The following XXYLT1 variants were observed in gnomAD, a reference collection of about 807,000 sequenced individuals.
The protein encoded by XXYLT1 is xyloside xylosyltransferase 1, also known as UDP-xylose:alpha-xyloside alpha-1,3-xylosyltransferase.
In XXYLT1, 20 loss-of-function variants were observed where a neutral mutation model predicts 28.9. The observed-to-expected ratio is 0.69, with a 90% CI of 0.49 to 1.00. The LOEUF is 1.00. XXYLT1 is among the 50% of genes least tolerant of loss of function. XXYLT1 has a pLI of 0.00. For missense variants in XXYLT1, 542 were observed against 560.1 expected (o/e 0.97, Z 0.33); for synonymous variants, 257 against 253.8 (o/e 1.01, Z -0.12).
In XXYLT1 at chr3:195,079,617, G is replaced by A. The variant is rs148804683; in HGVS notation, c.786-9506C>T. Among the ~76,000 whole-genome samples, 326 of 152,262 alleles carry A rather than the reference G, an allele frequency of 2.1e-3. 2 individuals carry two copies. The highest frequency in any genetic ancestry group is 7.3e-3 in the African/African-American group (305 of 41,562). ...AAGCTGAGGCAGAGAGCTCTAAAAC[G>A]CTTGCCCGAGGTCAGCAAGGGGAGA... On this transcript the variant is annotated intron_variant, in intron 3 of 3. Coordinates refer to ENST00000310380, the MANE Select transcript of XXYLT1 (RefSeq NM_152531.5).
At chr3:195,217,147 T>C (rs1723614639) in intron 2 of XXYLT1, among the ~76,000 whole-genome samples, 1 of 116,500 alleles carries the variant, frequency 8.6e-6, no homozygotes. Flanking sequence ...AAATTAGGTA[T>C]TGATGGGATG....
At position 195,150,870 on chromosome 3, in the gene XXYLT1, T is replaced by TACTCC. The variant is rs1560121925; in HGVS notation, c.785+5578_785+5579insGGAGT. Among the ~76,000 whole-genome samples the TACTCC allele has an allele frequency of 3.0e-4, 26 of 86,936 alleles. No individual in the cohort carries two copies. Among genetic ancestry groups the TACTCC allele is most frequent in the African/African-American group, 1.5e-3 (26 of 17,702 alleles). The allele number at this position is 86,936 out of a possible 152,430, so 57.0% of individuals were successfully genotyped here. Reference sequence around the variant, plus strand: ...CACACACTCTCACACACACACACACTCTCTCCCTCTCCCTCTCCCTCTCTC... The same window carrying TACTCC: ...CACACACTCTCACACACACACACACTACTCCCTCTCCCTCTCCCTCTCCCTCTCTC... On this transcript the variant is annotated intron_variant, in intron 3 of 3. Coordinates refer to ENST00000310380, the MANE Select transcript of XXYLT1 (RefSeq NM_152531.5). This position sits in a 1 kb window ranked among gnomAD's most constrained non-coding sequence, Gnocchi z 4.7.
intron 1 of XXYLT1, among the ~76,000 whole-genome samples, chr3:195,246,737 C>T (rs1367666236): frequency 6.6e-6 from 1 of 152,212 alleles, no homozygotes; most frequent in Admixed American, 6.5e-5. Flanking sequence ...CATGACCAGC[C>T]AACAGTGATG....
chr3:195,270,975 C>A lies in XXYLT1; in HGVS notation c.84G>T (p.Leu28=), dbSNP rs1256266778. Reference sequence around the variant, plus strand: ...CGCAGACGGCCAGCGCCGCGGCCAGCAGCAGGGCGCAGTAGTGGGAGCGCA... The same window carrying A: ...CGCAGACGGCCAGCGCCGCGGCCAGAAGCAGGGCGCAGTAGTGGGAGCGCA... ...GAVRSHYCAL[L]LAAALAVCAF... The change falls in exon 1 of 4, where the codon CTG becomes CTT. Residue 28 remains leucine, a synonymous_variant. Coordinates refer to ENST00000310380, the MANE Select transcript of XXYLT1 (RefSeq NM_152531.5). The A allele has an allele frequency of 2.0e-6, 3 of 1,486,222 alleles. No homozygotes were observed. The highest frequency in any genetic ancestry group is 2.5e-5 in the South Asian group (2 of 78,508). 92.1% of individuals were successfully genotyped at this position (1,486,222 alleles called of 1,614,324 possible).
In XXYLT1 at chr3:195,240,194, C is replaced by T. The variant is rs1724716718; in HGVS notation, c.505-13338G>A. Among the ~76,000 whole-genome samples the T allele has an allele frequency of 6.6e-6, 1 of 152,214 alleles. No homozygotes were observed. Among genetic ancestry groups the T allele is most frequent in the African/African-American group, 2.4e-5 (1 of 41,450 alleles). ...TATAAAAGACCTTGGAAAGGCTCAA[C>T]TCTTTCGAAAGGGACAGTGTAGGGA... On this transcript the variant is annotated intron_variant, in intron 1 of 3. Coordinates refer to ENST00000310380, the MANE Select transcript of XXYLT1 (RefSeq NM_152531.5). The surrounding 1 kb of genome is among the most constrained non-coding windows in gnomAD (Gnocchi z 4.7).
At chr3:195,148,925 AG>A (rs1261673214) in intron 3 of XXYLT1, among the ~76,000 whole-genome samples, 1 of 152,106 alleles carries the variant, frequency 6.6e-6, no homozygotes, top group African/African-American at 2.4e-5. Context: ...CAAAATAATC[AG>A]GGGAAGAGGA....
intron 3 of XXYLT1, among the ~76,000 whole-genome samples, chr3:195,143,142 A>G (rs1719579609): frequency 1.3e-5 from 2 of 152,232 alleles, no homozygotes; most frequent in South Asian, 4.1e-4. Flanking sequence ...GGAATTTTCA[A>G]TTACCAATAA....
In XXYLT1 at chr3:195,270,787, C is replaced by T; in HGVS notation, c.272G>A (p.Gly91Asp). 1 of 1,567,324 alleles carries T rather than the reference C, an allele frequency of 6.4e-7. No homozygotes were observed. The highest frequency in any genetic ancestry group is 8.6e-7 in the Non-Finnish European group (1 of 1,162,230). The change falls in exon 1 of 4, where the codon GGC becomes GAC. Residue 91 changes from glycine (G) to aspartate (D), a missense_variant. Gly to Asp is a moderately conservative substitution (Grantham distance 94). Transcript: ENST00000310380. ...APGAKAKSLE[G>D]GGAGPVDYHL... ...GTAGTCCACCGGCCCGGCACCGCCG[C>T]CCTCCAAGCTCTTGGCCTTCGCGCC...
chr3:195,130,973 A>C (rs1283945476), intron 3 of XXYLT1, among the ~76,000 whole-genome samples: 5 of 152,156 alleles, frequency 3.3e-5, no homozygotes, highest in African/African-American at 1.2e-4. Flanking sequence ...TTAGCCTGAG[A>C]CCTGCAAACA....
intron 3 of XXYLT1, among the ~76,000 whole-genome samples, chr3:195,103,667 T>G (rs1156616545): frequency 2.0e-5 from 3 of 152,184 alleles, no homozygotes; most frequent in Non-Finnish European, 2.9e-5. Context: ...TGCTGTTCTG[T>G]GAGACCTTTA....
chr3:195,119,013 C>G (rs1718194153), intron 3 of XXYLT1, among the ~76,000 whole-genome samples: 1 of 152,058 alleles, frequency 6.6e-6, no homozygotes, highest in Non-Finnish European at 1.5e-5. Context: ...CGCGGTGGCT[C>G]ATGCCTGTAA....
rs370228977 is a variant in XXYLT1 at position 195,247,920 on chromosome 3, C to A, written c.505-21064G>T. On this transcript the variant is annotated intron_variant, in intron 1 of 3. Coordinates refer to ENST00000310380, the MANE Select transcript of XXYLT1 (RefSeq NM_152531.5). ...TCTCCTGAGAGCTCACTGACTCTCA[C>A]GAGAAGAGCAGGGAGGAAGTCCCGC... 110 of 635,270 alleles carry A rather than the reference C, an allele frequency of 1.7e-4. No individual in the cohort carries two copies. In the South Asian group the frequency reaches 1.8e-3, roughly 10 times the overall value. 39.4% of individuals were successfully genotyped at this position (635,270 alleles called of 1,614,324 possible). A position where few individuals can be genotyped will look rare whatever the true frequency, so the allele number is the denominator to read the frequency against.
At chr3:195,155,584 T>C (rs1305982476) in intron 3 of XXYLT1, among the ~76,000 whole-genome samples, 1 of 150,838 alleles carries the variant, frequency 6.6e-6, no homozygotes, top group African/African-American at 2.5e-5. Context: ...CACAAAAAAG[T>C]GCATGCAAAC....
intron 3 of XXYLT1, chr3:195,093,751 A>G (rs1035599874): frequency 2.0e-5 from 3 of 152,200 alleles, no homozygotes; most frequent in Non-Finnish European, 4.4e-5. Flanking sequence ...ACCTGGGGAA[A>G]GTAATTAGAC....
chr3:195,202,143 C>T (rs1297945520), intron 2 of XXYLT1, among the ~76,000 whole-genome samples: 3 of 152,148 alleles, frequency 2.0e-5, no homozygotes, highest in African/African-American at 7.2e-5. Context: ...TGCCACTGCA[C>T]TCCTGCCTGG....
At chr3:195,192,575 G>A (rs1722470362) in intron 2 of XXYLT1, among the ~76,000 whole-genome samples, 1 of 152,080 alleles carries the variant, frequency 6.6e-6, no homozygotes, top group African/African-American at 2.4e-5. Context: ...GAATTACATA[G>A]AATAGCTAAG....
chr3:195,259,491 G>A (rs748771706), intron 1 of XXYLT1: 28 of 798,306 alleles, frequency 3.5e-5, no homozygotes, highest in Non-Finnish European at 4.2e-5. Flanking sequence ...AAGGGCAGCA[G>A]GGAGGCCTTC....
intron 2 of XXYLT1, among the ~76,000 whole-genome samples, chr3:195,179,079 C>A (rs1420060131): frequency 1.1e-4 from 17 of 152,000 alleles, no homozygotes; most frequent in African/African-American, 3.9e-4. Flanking sequence ...CGGTGGCTCA[C>A]GCCTGTAATC....
rs980109196 is a variant in XXYLT1 at position 195,168,715 on chromosome 3, T to C, written c.653-12134A>G. On this transcript the variant is annotated intron_variant, in intron 2 of 3. Coordinates refer to ENST00000310380, the MANE Select transcript of XXYLT1 (RefSeq NM_152531.5). The surrounding 1 kb of genome is among the most constrained non-coding windows in gnomAD (Gnocchi z 4.3). ...ATATCACCATATGGAAACTAACATT[T>C]CCTTAGTACCTACTGTGTGCCAGCC... Among the ~76,000 whole-genome samples, 1 of 152,220 alleles carries C rather than the reference T, an allele frequency of 6.6e-6. No individual in the cohort carries two copies. Among genetic ancestry groups the C allele is most frequent in the Non-Finnish European group, 1.5e-5 (1 of 68,028 alleles).
Sources: gnomAD v4.1 joint callset for allele counts (sites outside exome capture counted in the v4.1 genomes callset) on GRCh38, gnomAD v4.1.1 for gene constraint, Gnocchi (gnomAD v3.1) non-coding constraint, MANE v1.5 for transcripts, NCBI Gene and HGNC (gene_info 2026-07-23, HGNC 2026-07-21) for gene names.